Variants in FBXO11 observed in about 807,000 individuals in gnomAD.
FBXO11 encodes F-box only protein 11.
FBXO11 carries 13 observed loss-of-function variants against 117.0 expected under a neutral mutation model. The observed-to-expected ratio is 0.11, with a 90% CI of 0.07 to 0.18. The LOEUF is 0.18. Among genes scored for constraint, FBXO11 ranks in the 10% least tolerant of loss-of-function variants. FBXO11 has a pLI of 1.00. For missense variants in FBXO11, 767 were observed against 1,164.4 expected, an observed-to-expected ratio of 0.66 and a Z score of 4.97; for synonymous variants, 490 against 380.5, an observed-to-expected ratio of 1.29 and a Z score of -3.35.
intron 3 of FBXO11, among the ~76,000 whole-genome samples, chr2:47,839,218 G>C (rs1394522440): frequency 1.3e-5 from 2 of 151,882 alleles, no homozygotes; most frequent in Admixed American, 1.3e-4. Context: ...CTCAGAAATG[G>C]TTAAAATAAA....
intron 12 of FBXO11, among the ~76,000 whole-genome samples, chr2:47,822,530 A>G (rs1231864640): frequency 6.6e-6 from 1 of 152,216 alleles, no homozygotes; most frequent in Admixed American, 6.5e-5. Context: ...AATACATTCA[A>G]AACAATTTTT....
Position 47,806,927 on chromosome 2 carries a change from C to CTAAT in FBXO11, c.*1187_*1190dup, listed in dbSNP as rs953470502. On this transcript the variant is annotated 3_prime_UTR_variant, in exon 23 of 23. Coordinates refer to ENST00000403359, the MANE Select transcript of FBXO11 (RefSeq NM_001190274.2). ...TGGTAAATTCAGACAACATTATGATCTAATAAACTTTATTTTTTAAAAATG... is the reference window on the plus strand; with the variant it reads ...TGGTAAATTCAGACAACATTATGATCTAATTAATAAACTTTATTTTTTAAAAATG... The CTAAT allele has an allele frequency of 1.2e-5, 14 of 1,168,010 alleles. No homozygotes were observed. The highest frequency in any genetic ancestry group is 3.9e-5 in the South Asian group (3 of 77,796). 72.4% of individuals were successfully genotyped at this position (1,168,010 alleles called of 1,614,324 possible). A position where few individuals can be genotyped will look rare whatever the true frequency, so the allele number is the denominator to read the frequency against.
At chr2:47,837,979 A>C (rs1294821074) in intron 4 of FBXO11, among the ~76,000 whole-genome samples, 1 of 151,470 alleles carries the variant, frequency 6.6e-6, no homozygotes, top group African/African-American at 2.4e-5. Context: ...TAATCCCAGC[A>C]CTTTGGGCGG....
chr2:47,807,168 C>A lies in FBXO11; in HGVS notation c.*950G>T. On this transcript the variant is annotated 3_prime_UTR_variant, in exon 23 of 23. Transcript: ENST00000403359. ...AGGGCTGTATATATACTTGTCTCAG[C>A]TTAATGCAGGAAATTGGTTTAATTT... is the stretch of plus-strand genomic sequence containing the variant. 3.5e-6 allele frequency: 1 copy of A among 287,516 alleles called. No individual in the cohort carries two copies. The highest frequency in any genetic ancestry group is 6.5e-6 in the Non-Finnish European group (1 of 152,798). 17.8% of individuals were successfully genotyped at this position (287,516 alleles called of 1,614,324 possible). A position where few individuals can be genotyped will look rare whatever the true frequency, so the allele number is the denominator to read the frequency against.
chr2:47,888,632 G>A (rs547938491), intron 1 of FBXO11: 1 of 972,858 alleles, frequency 1.0e-6, no homozygotes, highest in African/African-American at 1.8e-5. Flanking sequence ...TTACTTTTAG[G>A]CTTGTTCTTC....
At chr2:47,844,487 T>C (rs1673255980) in intron 1 of FBXO11, among the ~76,000 whole-genome samples, 1 of 151,994 alleles carries the variant, frequency 6.6e-6, no homozygotes, top group Non-Finnish European at 1.5e-5. Context: ...CCTTAGAACA[T>C]ATGCAGGACC....
At chr2:47,822,556 C>T (rs368896897) in intron 12 of FBXO11, among the ~76,000 whole-genome samples, 39 of 152,290 alleles carry the variant, frequency 2.6e-4, no homozygotes, top group African/African-American at 8.9e-4. Flanking sequence ...GATCTAGAAA[C>T]ATTTGATGAC....
At chr2:47,833,116 A>C (rs1476590419) in intron 7 of FBXO11, 46 bp from the exon 8 acceptor site, 3 of 1,275,538 alleles carry the variant, frequency 2.4e-6, no homozygotes, top group Non-Finnish European at 3.4e-6. Context: ...TTCGATTTCA[A>C]CAGATGGGTA....
intron 11 of FBXO11, among the ~76,000 whole-genome samples, chr2:47,827,810 C>T (rs116312393): frequency 6.6e-6 from 1 of 151,504 alleles, no homozygotes; most frequent in African/African-American, 2.4e-5. Flanking sequence ...AATTTTCGTG[C>T]CTCAGCCTCC....
chr2:47,895,061 T>C (rs945348813), intron 1 of FBXO11, among the ~76,000 whole-genome samples: 2 of 152,192 alleles, frequency 1.3e-5, no homozygotes, highest in Admixed American at 1.3e-4. Context: ...TAGTTTCCAT[T>C]TCTTGCAAAG....
chr2:47,887,718 G>A (rs961739241), intron 1 of FBXO11, among the ~76,000 whole-genome samples: 17 of 152,016 alleles, frequency 1.1e-4, no homozygotes, highest in East Asian at 3.9e-4. Flanking sequence ...AAAATTAGCC[G>A]GGCATGGTGG....
rs1670357563 is a variant in FBXO11 at position 47,808,205 on chromosome 2, A to G, written c.2697T>C (p.Cys899=). 6.2e-7 allele frequency: 1 copy of G among 1,613,516 alleles called. No homozygotes were observed. The highest frequency in any genetic ancestry group is 8.5e-7 in the Non-Finnish European group (1 of 1,179,842). ...DCGAGTLSNP[C]TLAGEPTHDT... ...CATGTGTAGGCTCACCAGCTAATGT[A>G]CAAGGATTAGACAGTGTTCCAGCAC... The change falls in exon 23 of 23, where the codon TGT becomes TGC. Residue 899 remains cysteine, a synonymous_variant. Transcript: ENST00000403359.
chr2:47,874,688 C>A (rs544263882), intron 1 of FBXO11, among the ~76,000 whole-genome samples: 1 of 152,056 alleles, frequency 6.6e-6, no homozygotes, highest in Non-Finnish European at 1.5e-5. Context: ...GCATGTACCA[C>A]CATGCTCAGC....
At chr2:47,827,793 T>C (rs1475039783) in intron 11 of FBXO11, among the ~76,000 whole-genome samples, 1 of 151,426 alleles carries the variant, frequency 6.6e-6, no homozygotes, top group Non-Finnish European at 1.5e-5. Context: ...AAATCCCAGG[T>C]TCAAGCAATT....
Position 47,819,001 on chromosome 2 carries a change from G to A in FBXO11, c.1875C>T (p.Gly625=), listed in dbSNP as rs746303599. The stretch of plus-strand genomic sequence containing the variant: ...GGTTTCTTCTCAGTACTGGAGTGCT[G>A]CCAGTTGTCACCCAGACTCCAGCTA... ...NTLAGVWVTT[G]STPVLRRNRI... is the part of the protein sequence containing the mutation. Residue 625 remains glycine (G), a synonymous_variant, in exon 15 of 23, where the codon GGC becomes GGT. Coordinates refer to ENST00000403359, the MANE Select transcript of FBXO11 (RefSeq NM_001190274.2). 8.1e-6 allele frequency: 13 copies of A among 1,614,010 alleles called. No individual in the cohort carries two copies. In the South Asian group the frequency reaches 1.3e-4, roughly 16 times the overall value.
chr2:47,905,550 A>C lies in FBXO11; in HGVS notation c.171T>G (p.Pro57=), dbSNP rs1439315064. Residue 57 remains proline, a synonymous_variant, in exon 1 of 23, where the codon CCT becomes CCG. Transcript: ENST00000403359. ...GCGGAGGCGGCGGTGGCGGCGGCGG[A>C]GGCTGCTGCTGCTGCTGCTGCTGCG... ...PPPQQQQQQQ[P]PPPPPPPPPL... 3.1e-5 allele frequency: 38 copies of C among 1,238,974 alleles called. No individual in the cohort carries two copies. Among genetic ancestry groups the C allele is most frequent in the South Asian group, 3.6e-5 (1 of 27,558 alleles). The allele number at this position is 1,238,974 out of a possible 1,614,324, so 76.7% of individuals were successfully genotyped here.
intron 1 of FBXO11, among the ~76,000 whole-genome samples, chr2:47,899,402 A>C (rs912245933): frequency 2.0e-5 from 3 of 152,062 alleles, no homozygotes; most frequent in African/African-American, 7.2e-5. Flanking sequence ...ACAATCCCTT[A>C]CTTTTTATAT....
chr2:47,809,672 C>G lies in FBXO11; in HGVS notation c.2374G>C (p.Glu792Gln). 1 of 1,613,506 alleles carries G rather than the reference C, an allele frequency of 6.2e-7. No homozygotes were observed. The highest frequency in any genetic ancestry group is 8.5e-7 in the Non-Finnish European group (1 of 1,179,784). ...CGGTTGTTAAAAATCTGATTGCCTT[C>G]TAGTGTTGCAGTTGCGTGATTTGTA... ...EITNHATATL[E>Q]GNQIFNNRFG... Residue 792 changes from glutamate to glutamine, a missense_variant, in exon 20 of 23, where the codon GAA becomes CAA. Glu to Gln is a conservative substitution (Grantham distance 29). This residue lies in a region of FBXO11 where 66 missense variants were observed against 82.7 expected (regional missense o/e 0.80). Coordinates refer to ENST00000403359, the MANE Select transcript of FBXO11 (RefSeq NM_001190274.2).
intron 5 of FBXO11, 31 bp from the exon 6 acceptor site, chr2:47,834,902 G>A (rs1672432564): frequency 6.8e-7 from 1 of 1,468,730 alleles, no homozygotes; most frequent in African/African-American, 1.4e-5. Context: ...CAAAACCATT[G>A]ACTACTAACA....
Sources: allele counts gnomAD v4.1 joint callset (sites outside exome capture counted in the v4.1 genomes callset), GRCh38; gene constraint gnomAD v4.1.1; regional missense constraint gnomAD v4.1.1; transcripts MANE v1.5; gene names NCBI Gene and HGNC (gene_info 2026-07-23, HGNC 2026-07-21).